B4GALNT2: variants seen among roughly 807,000 people sequenced by gnomAD.
The protein encoded by B4GALNT2 is beta-1,4-N-acetyl-galactosaminyltransferase 2 (SID blood group), also known as N-acetylneuraminylgalactosylglucosyl-glucoside beta-1,4-N- acetylgalactosaminyltransferase 2.
A neutral mutation model predicts 51.1 loss-of-function variants in B4GALNT2; 42 were observed. The ratio of observed to expected loss-of-function variants is 0.82; its 90% CI spans 0.64 to 1.06. B4GALNT2 has a LOEUF of 1.06. Among genes scored for constraint, B4GALNT2 ranks in the 50% least tolerant of loss-of-function variants. B4GALNT2 has a pLI of 0.00. For missense variants in B4GALNT2, 602 were observed against 633.6 expected, an observed-to-expected ratio of 0.95 and a Z score of 0.54; for synonymous variants, 253 against 251.7, an observed-to-expected ratio of 1.01 and a Z score of -0.05.
Position 49,169,614 on chromosome 17 carries a change from A to C in B4GALNT2, c.1407A>C (p.Ser469=). The change falls in exon 11 of 11, where the codon TCA becomes TCC. Residue 469 remains serine, a synonymous_variant. Coordinates refer to ENST00000393354, the MANE Select transcript of B4GALNT2 (RefSeq NM_001159387.2). ...AGTCTCGGTCTCCAGTGGTGGACTCAGAACTGGCTGCCCTAGAGAAGACCT... is the reference window on the plus strand; with the variant it reads ...AGTCTCGGTCTCCAGTGGTGGACTCCGAACTGGCTGCCCTAGAGAAGACCT... ...GHQSRSPVVD[S]ELAALEKTYN... 1 of 1,613,370 alleles carries C rather than the reference A, an allele frequency of 6.2e-7. No homozygotes were observed. Among genetic ancestry groups the C allele is most frequent in the Non-Finnish European group, 8.5e-7 (1 of 1,179,962 alleles).
At chr17:49,131,177 G>A (rs150678012), upstream of B4GALNT2, among the ~76,000 whole-genome samples, 11 of 152,306 alleles carry the variant, frequency 7.2e-5, no homozygotes, top group East Asian at 2.1e-3. Context: ...GAAGCTCTTT[G>A]TAAGCAAGGA....
At chr17:49,164,686 G>A (rs543725157) in intron 8 of B4GALNT2, among the ~76,000 whole-genome samples, 24 of 152,060 alleles carry the variant, frequency 1.6e-4, no homozygotes, top group African/African-American at 5.8e-4. Context: ...ATTTTTAGTA[G>A]AGGCAGGGTT....
chr17:49,149,019 G>A (rs566339444), intron 3 of B4GALNT2: 6 of 152,352 alleles, frequency 3.9e-5, no homozygotes, highest in Non-Finnish European at 8.6e-5. Flanking sequence ...TCGTGCCACT[G>A]AATTCCAGTC....
upstream of B4GALNT2, among the ~76,000 whole-genome samples, chr17:49,131,720 A>G (rs2411900): frequency 3.5e-3 from 526 of 152,246 alleles, 3 homozygotes; most frequent in African/African-American, 0.012. Flanking sequence ...TATGTTGCCC[A>G]GGCTGGTCTC....
In B4GALNT2 at chr17:49,169,466, A is replaced by G. The variant is rs1167764910; in HGVS notation, c.1316-57A>G. ...GACTCTCCCCCACCAGACCTAGAAT[A>G]GTGCCCACTTTTCTGACCGCAGCTC... On this transcript the variant is annotated intron_variant, in intron 10 of 10. Coordinates refer to ENST00000393354, the MANE Select transcript of B4GALNT2 (RefSeq NM_001159387.2). The G allele has an allele frequency of 3.9e-6, 6 of 1,524,480 alleles. 1 individual carries two copies. In the Admixed American group the frequency reaches 1.0e-4, roughly 25 times the overall value. 94.4% of individuals were successfully genotyped at this position (1,524,480 alleles called of 1,614,324 possible).
At position 49,171,130 on chromosome 17, in the gene B4GALNT2, A is replaced by C. The variant is rs9898428; in HGVS notation, c.*1402A>C. ...CCAGTTTTGGGGCCAGTTTATGGCC[A>C]GATTTGGGGGCCTGTTCCCAACACG... is the stretch of plus-strand genomic sequence containing the variant. On this transcript the variant is annotated 3_prime_UTR_variant, in exon 11 of 11. Coordinates refer to ENST00000393354, the MANE Select transcript of B4GALNT2 (RefSeq NM_001159387.2). The C allele has an allele frequency of 7.7e-3, 1,591 of 206,928 alleles. 34 individuals carry two copies. Among genetic ancestry groups the C allele is most frequent in the African/African-American group, 0.035 (1,467 of 41,914 alleles). 12.8% of individuals were successfully genotyped at this position (206,928 alleles called of 1,614,324 possible).
At chr17:49,161,815 C>T (rs1011015509) in intron 7 of B4GALNT2, among the ~76,000 whole-genome samples, 5 of 151,482 alleles carry the variant, frequency 3.3e-5, no homozygotes, top group Admixed American at 3.3e-4. Flanking sequence ...CGAGATCCTG[C>T]CACTGCACTC....
At chr17:49,162,621 A>T (rs2042874917) in intron 7 of B4GALNT2, among the ~76,000 whole-genome samples, 1 of 152,196 alleles carries the variant, frequency 6.6e-6, no homozygotes, top group Admixed American at 6.6e-5. Flanking sequence ...GACAAAAAAC[A>T]GAATGGGCTG....
chr17:49,140,874 A>G (rs2042637437), intron 1 of B4GALNT2, among the ~76,000 whole-genome samples: 1 of 151,948 alleles, frequency 6.6e-6, no homozygotes, highest in South Asian at 2.1e-4. Context: ...ACACGCCACC[A>G]TGCCCAGCTA....
At chr17:49,150,086 C>G (rs2042734542) in intron 3 of B4GALNT2, among the ~76,000 whole-genome samples, 1 of 152,180 alleles carries the variant, frequency 6.6e-6, no homozygotes, top group African/African-American at 2.4e-5. Flanking sequence ...GGTCAGCCCC[C>G]CACCTGGCCA....
intron 3 of B4GALNT2, among the ~76,000 whole-genome samples, chr17:49,143,787 G>A (rs1220966360): frequency 6.6e-6 from 1 of 152,162 alleles, no homozygotes; most frequent in Non-Finnish European, 1.5e-5. Context: ...ATGGTGGAGG[G>A]TACCACATAT....
intron 4 of B4GALNT2, among the ~76,000 whole-genome samples, chr17:49,154,580 A>C (rs1274584555): frequency 6.6e-6 from 1 of 150,706 alleles, no homozygotes; most frequent in East Asian, 2.0e-4. Context: ...AAAGACCTCC[A>C]AGTAAGGTCT....
chr17:49,158,961 T>A, intron 5 of B4GALNT2, 76 bp from the exon 6 acceptor site: 1 of 1,509,112 alleles, frequency 6.6e-7, no homozygotes. Flanking sequence ...GCTCCTGGCC[T>A]GGGTATGTAT....
At chr17:49,155,717 T>G (rs1014073440) in intron 4 of B4GALNT2, among the ~76,000 whole-genome samples, 7 of 150,334 alleles carry the variant, frequency 4.7e-5, no homozygotes, top group South Asian at 2.1e-4. Context: ...TCAACAACTT[T>G]TTTTTGTTTT....
chr17:49,157,157 CT>C (rs1420467021), intron 5 of B4GALNT2, among the ~76,000 whole-genome samples: 2 of 152,064 alleles, frequency 1.3e-5, no homozygotes, highest in Admixed American at 1.3e-4. Context: ...GTTCTTGTTT[CT>C]CTATGTTGTC....
intron 3 of B4GALNT2, among the ~76,000 whole-genome samples, chr17:49,142,546 GC>G (rs1380038941): frequency 6.6e-6 from 1 of 151,790 alleles, no homozygotes; most frequent in East Asian, 1.9e-4. Context: ...TTTAAAATTA[GC>G]CAGGCATGAT....
chr17:49,151,732 G>A (rs1303021501), intron 3 of B4GALNT2, among the ~76,000 whole-genome samples: 6 of 144,344 alleles, frequency 4.2e-5, no homozygotes, highest in Middle Eastern at 3.6e-3. Flanking sequence ...GCAACCTAGC[G>A]AGACTCTGTC....
Position 49,132,769 on chromosome 17 carries a change from A to G in B4GALNT2, c.-24A>G. On this transcript the variant is annotated 5_prime_UTR_variant, in exon 1 of 11. Coordinates refer to ENST00000393354, the MANE Select transcript of B4GALNT2 (RefSeq NM_001159387.2). ...GCTGCTAGGCTCCGTGACATCCGGC[A>G]GTCTGAGGGCGGCGGGATTCGGGAT... 5 of 1,386,186 alleles carry G rather than the reference A, an allele frequency of 3.6e-6. No individual in the cohort carries two copies. The highest frequency in any genetic ancestry group is 4.7e-6 in the Non-Finnish European group (5 of 1,068,544). 85.9% of individuals were successfully genotyped at this position (1,386,186 alleles called of 1,614,324 possible).
Position 49,168,848 on chromosome 17 carries a change from G to A in B4GALNT2, c.1263G>A (p.Glu421=), listed in dbSNP as rs761375852. 5 of 1,613,430 alleles carry A rather than the reference G, an allele frequency of 3.1e-6. No homozygotes were observed. The African/African-American group carries it at 5.3e-5, about 17-fold the overall frequency. Residue 421 remains glutamate, a synonymous_variant, in exon 10 of 11, where the codon GAG becomes GAA. Transcript: ENST00000393354. Reference sequence around the variant, plus strand: ...TCAACTTCTTCCTGGCCCACACGGAGCGACTCCAAAGAGTTGGCTTTGATC... The same window carrying A: ...TCAACTTCTTCCTGGCCCACACGGAACGACTCCAAAGAGTTGGCTTTGATC... ...GVVNFFLAHT[E]RLQRVGFDPR... is the part of the protein sequence containing the mutation.
Sources: gnomAD v4.1 joint callset for allele counts (sites outside exome capture counted in the v4.1 genomes callset) on GRCh38, gnomAD v4.1.1 for gene constraint, MANE v1.5 for transcripts, NCBI Gene and HGNC (gene_info 2026-07-23, HGNC 2026-07-21) for gene names.